Variants in LINGO2 observed in about 807,000 individuals in gnomAD.
The protein encoded by LINGO2 is leucine rich repeat and Ig domain containing 2, also known as leucine-rich repeat and immunoglobulin-like domain-containing nogo receptor-interacting protein 2.
In LINGO2, 14 loss-of-function variants were observed where a neutral mutation model predicts 30.6. The observed-to-expected ratio is 0.46, with a 90% CI of 0.30 to 0.72. The LOEUF is 0.72. LINGO2 is among the 30% of genes least tolerant of loss of function. The pLI, the probability that LINGO2 is intolerant of heterozygous loss-of-function variation, is 0.07. For synonymous variants in LINGO2, 317 were observed against 288.5 expected, an observed-to-expected ratio of 1.10 and a Z score of -1.00; for missense variants, 729 against 751.7, an observed-to-expected ratio of 0.97 and a Z score of 0.35.
intron 3 of LINGO2, among the ~76,000 whole-genome samples, chr9:28,325,715 G>T (rs1316871453): frequency 6.6e-6 from 1 of 152,112 alleles, no homozygotes; most frequent in Non-Finnish European, 1.5e-5. Context: ...ACATGGAACT[G>T]TGAGTCCATT....
chr9:29,152,598 T>C, the LINGO2 span, among the ~76,000 whole-genome samples: 1 of 152,068 alleles, frequency 6.6e-6, no homozygotes, highest in South Asian at 2.1e-4. Flanking sequence ...AGGTAAACAC[T>C]GAATACACAT....
intron 1 of LINGO2, among the ~76,000 whole-genome samples, chr9:28,573,526 A>G (rs146671137): frequency 1.3e-5 from 2 of 152,238 alleles, no homozygotes; most frequent in African/African-American, 4.8e-5. Flanking sequence ...GAATCTGTCA[A>G]CATTCACATC....
chr9:28,474,497 G>C (rs1825650526), intron 2 of LINGO2, among the ~76,000 whole-genome samples: 1 of 152,104 alleles, frequency 6.6e-6, no homozygotes, highest in Admixed American at 6.5e-5. Flanking sequence ...TGTAGAATAA[G>C]TCATTTCTAC....
the LINGO2 span, among the ~76,000 whole-genome samples, chr9:28,902,156 T>C: frequency 2.0e-5 from 3 of 152,208 alleles, no homozygotes; most frequent in African/African-American, 7.2e-5. Flanking sequence ...CAGACTCATT[T>C]GAAGAGATAG....
the LINGO2 span, among the ~76,000 whole-genome samples, chr9:28,736,584 A>T: frequency 3.3e-5 from 5 of 152,106 alleles, no homozygotes; most frequent in Non-Finnish European, 7.4e-5. Context: ...TGAGGTCAGG[A>T]GTTCGAGACC....
chr9:28,202,315 A>G (rs35198584), intron 4 of LINGO2, among the ~76,000 whole-genome samples: 15,957 of 152,112 alleles, frequency 0.1, 914 homozygotes, highest in Middle Eastern at 0.15. Context: ...GTTTGACTCC[A>G]TAGGTCTGAT....
chr9:27,987,989 C>A (rs1230864322), intron 5 of LINGO2, among the ~76,000 whole-genome samples: 1 of 152,010 alleles, frequency 6.6e-6, no homozygotes, highest in Non-Finnish European at 1.5e-5. Context: ...TCTCCTAATG[C>A]TATCCCTCCT....
chr9:28,464,935 C>T lies in LINGO2; in HGVS notation c.-279+11005G>A, dbSNP rs141088853. 1.7e-3 allele frequency among the ~76,000 whole-genome samples: 255 copies of T among 152,292 alleles called. 1 individual carries two copies. Among genetic ancestry groups the T allele is most frequent in the African/African-American group, 5.8e-3 (243 of 41,560 alleles). On this transcript the variant is annotated intron_variant, in intron 2 of 5. Transcript: ENST00000379992. ...GAAGGGGTGGCTTGCTTACTCAGCC[C>T]GCAGTGCTCAAAACCCTTGTGGGAG...
chr9:28,627,891 A>G (rs1218453052), intron 1 of LINGO2, among the ~76,000 whole-genome samples: 1 of 152,062 alleles, frequency 6.6e-6, no homozygotes, highest in Non-Finnish European at 1.5e-5. Context: ...TGTTGTTATT[A>G]GGCATTAGAA....
the LINGO2 span, among the ~76,000 whole-genome samples, chr9:29,161,884 T>C: frequency 7.2e-5 from 11 of 152,200 alleles, no homozygotes; most frequent in Middle Eastern, 6.8e-3. Context: ...TCACAGTTCA[T>C]TGGGTAGGGC....
At chr9:28,374,203 T>C (rs1309493595) in intron 2 of LINGO2, among the ~76,000 whole-genome samples, 2 of 75,916 alleles carry the variant, frequency 2.6e-5, no homozygotes, top group African/African-American at 1.8e-4. Context: ...TAAAAATATG[T>C]TTTTATTTAT....
At chr9:28,461,680 T>G (rs1357406003) in intron 2 of LINGO2, among the ~76,000 whole-genome samples, 1 of 152,080 alleles carries the variant, frequency 6.6e-6, no homozygotes, top group Non-Finnish European at 1.5e-5. Context: ...GTTGTTTTTA[T>G]TTGCAGGGAT....
intron 4 of LINGO2, among the ~76,000 whole-genome samples, chr9:28,217,130 T>C (rs73645618): frequency 0.043 from 6,527 of 150,128 alleles, 158 homozygotes; most frequent in African/African-American, 0.065. Context: ...TGTATACATA[T>C]AATATAAATA....
At chr9:28,896,139 A>G in the LINGO2 span, among the ~76,000 whole-genome samples, 3 of 152,176 alleles carry the variant, frequency 2.0e-5, no homozygotes, top group African/African-American at 7.2e-5. Flanking sequence ...GGACAGGCTG[A>G]AAAGTGTGAA....
the LINGO2 span, among the ~76,000 whole-genome samples, chr9:29,174,082 C>T: frequency 1.3e-5 from 2 of 151,244 alleles, no homozygotes; most frequent in South Asian, 2.1e-4. Context: ...TCTGAGATAA[C>T]AGATAAAACT....
At chr9:28,524,766 A>G (rs1820954171) in intron 1 of LINGO2, among the ~76,000 whole-genome samples, 1 of 152,212 alleles carries the variant, frequency 6.6e-6, no homozygotes, top group South Asian at 2.1e-4. Flanking sequence ...ATAAATAAAC[A>G]AATAAATAAA....
At chr9:28,515,537 A>G (rs1433222522) in intron 1 of LINGO2, among the ~76,000 whole-genome samples, 2 of 152,200 alleles carry the variant, frequency 1.3e-5, no homozygotes, top group Non-Finnish European at 2.9e-5. Context: ...TATAGTTGCC[A>G]TAGCCTTCAG....
At chr9:27,992,649 A>G (rs1259472428) in intron 5 of LINGO2, among the ~76,000 whole-genome samples, 1 of 152,150 alleles carries the variant, frequency 6.6e-6, no homozygotes, top group African/African-American at 2.4e-5. Flanking sequence ...TCAATACTAT[A>G]AACACATTAT....
At chr9:28,999,395 C>T in the LINGO2 span, among the ~76,000 whole-genome samples, 12 of 152,152 alleles carry the variant, frequency 7.9e-5, no homozygotes, top group South Asian at 2.3e-3. Context: ...ATCAGAATTT[C>T]TCAGCCAACT....
Sources: allele counts gnomAD v4.1 joint callset (sites outside exome capture counted in the v4.1 genomes callset), GRCh38; gene constraint gnomAD v4.1.1; transcripts MANE v1.5; gene names NCBI Gene and HGNC (gene_info 2026-07-23, HGNC 2026-07-21).